Variants in SLCO3A1 observed in about 807,000 individuals in gnomAD.
SLCO3A1 encodes the protein solute carrier organic anion transporter family member 3A1.
In SLCO3A1, 27 loss-of-function variants were observed where a neutral mutation model predicts 63.1. The observed-to-expected ratio is 0.43, with a 90% CI of 0.32 to 0.59. The LOEUF (loss-of-function observed/expected upper bound fraction) is 0.59, where lower values mean the gene tolerates loss of function less well. SLCO3A1 is among the 20% of genes least tolerant of loss of function. The probability of loss-of-function intolerance (pLI) is 0.09; values close to 1 mark genes in which losing one functional copy is unlikely to be tolerated. For missense variants in SLCO3A1, 773 were observed against 945.8 expected (o/e 0.82, Z 2.40); for synonymous variants, 473 against 409.9 (o/e 1.15, Z -1.86).
intron 1 of SLCO3A1, among the ~76,000 whole-genome samples, chr15:91,857,752 G>A (rs940095465): frequency 6.6e-6 from 1 of 152,040 alleles, no homozygotes; most frequent in Admixed American, 6.6e-5. Flanking sequence ...AAATTACTGA[G>A]GACTGGAGTA....
At chr15:92,158,312 T>G (rs1229281447) in intron 9 of SLCO3A1, among the ~76,000 whole-genome samples, 1 of 152,152 alleles carries the variant, frequency 6.6e-6, no homozygotes, top group Non-Finnish European at 1.5e-5. Context: ...GTTCTCTGTA[T>G]CCCTGGAAAT....
chr15:91,905,757 A>C (rs4932590), intron 1 of SLCO3A1, among the ~76,000 whole-genome samples: 2 of 152,048 alleles, frequency 1.3e-5, no homozygotes, highest in African/African-American at 4.8e-5. Flanking sequence ...AAAGAAAACT[A>C]TTTCTCTTTG....
chr15:91,933,044 T>C (rs1046804091), intron 2 of SLCO3A1, among the ~76,000 whole-genome samples: 3 of 151,250 alleles, frequency 2.0e-5, no homozygotes, highest in African/African-American at 7.2e-5. Context: ...TGAGTTAGAA[T>C]TGGAATGAGA....
intron 2 of SLCO3A1, among the ~76,000 whole-genome samples, chr15:92,049,930 C>CAGA (rs1458346827): frequency 2.6e-5 from 4 of 152,186 alleles, no homozygotes; most frequent in Admixed American, 1.3e-4. Context: ...TTTTTAATCA[C>CAGA]AGAAGAGTTC....
intron 2 of SLCO3A1, among the ~76,000 whole-genome samples, chr15:92,016,730 A>C (rs1458586127): frequency 1.3e-5 from 2 of 152,226 alleles, no homozygotes; most frequent in African/African-American, 4.8e-5. Flanking sequence ...CATGAGGAAG[A>C]AGACCACAAA....
chr15:92,104,077 G>T (rs1053557621), intron 3 of SLCO3A1, among the ~76,000 whole-genome samples: 3 of 152,180 alleles, frequency 2.0e-5, no homozygotes, highest in Non-Finnish European at 4.4e-5. Context: ...ATTAAGGGGG[G>T]AATGTGATCA....
chr15:91,968,484 A>G lies in SLCO3A1; in HGVS notation c.646+52026A>G, dbSNP rs1045015819. On this transcript the variant is annotated intron_variant, in intron 2 of 9. Coordinates refer to ENST00000318445, the MANE Select transcript of SLCO3A1 (RefSeq NM_013272.4). This position sits in a 1 kb window ranked among gnomAD's most constrained non-coding sequence, Gnocchi z 4.2. ...GTGTCCTGGCTAGAACAGGGCCTCT[A>G]ATTTATCATGTCTTCTCACTAGGTG... 6.6e-6 allele frequency among the ~76,000 whole-genome samples: 1 copy of G among 152,162 alleles called. No individual in the cohort carries two copies. The highest frequency in any genetic ancestry group is 2.4e-5 in the African/African-American group (1 of 41,518).
intron 5 of SLCO3A1, among the ~76,000 whole-genome samples, chr15:92,122,982 G>A (rs1185308902): frequency 6.6e-6 from 1 of 152,176 alleles, no homozygotes; most frequent in African/African-American, 2.4e-5. Context: ...AAGCTAACTG[G>A]GAGGCACACC....
At chr15:92,084,839 A>G (rs952859066) in intron 2 of SLCO3A1, among the ~76,000 whole-genome samples, 1 of 152,246 alleles carries the variant, frequency 6.6e-6, no homozygotes, top group African/African-American at 2.4e-5. Context: ...CAAACAATGC[A>G]GCATGCACCA....
rs956763142 is a variant in SLCO3A1 at position 91,915,671 on chromosome 15, T to C, written c.181-322T>C. ...TTTATAGGTTTTCATGGGCTGTCTG[T>C]GGTGGAGGTCTGTGGGGGTGGGGAA... is the stretch of plus-strand genomic sequence containing the variant. On this transcript the variant is annotated intron_variant, in intron 1 of 9. Transcript: ENST00000318445. Among the ~76,000 whole-genome samples, 4 of 151,960 alleles carry C rather than the reference T, an allele frequency of 2.6e-5. No homozygotes were observed. In the East Asian group the frequency reaches 7.7e-4, roughly 29 times the overall value.
chr15:91,988,876 G>A (rs75781748), intron 2 of SLCO3A1, among the ~76,000 whole-genome samples: 2,177 of 152,272 alleles, frequency 0.014, 54 homozygotes, highest in African/African-American at 0.048. Context: ...TGCAGAGCGA[G>A]GTAGGATACA....
chr15:92,120,375 C>A, intron 4 of SLCO3A1, 90 bp from the exon 5 acceptor site: 2 of 1,370,712 alleles, frequency 1.5e-6, no homozygotes, highest in Non-Finnish European at 2.0e-6. Context: ...CAAGAGCGGG[C>A]CAAGAAGGGG....
At chr15:91,945,177 A>C (rs757373057) in intron 2 of SLCO3A1, among the ~76,000 whole-genome samples, 5 of 151,906 alleles carry the variant, frequency 3.3e-5, no homozygotes, top group Non-Finnish European at 5.9e-5. Context: ...CCCTGTCTCT[A>C]CTAAAAATAC....
intron 2 of SLCO3A1, among the ~76,000 whole-genome samples, chr15:91,972,354 A>T (rs1307941258): frequency 6.6e-6 from 1 of 152,146 alleles, no homozygotes; most frequent in East Asian, 1.9e-4. Context: ...GAACTCGAAT[A>T]GGTCATGATG....
chr15:92,127,619 T>G (rs1399373033), intron 6 of SLCO3A1, among the ~76,000 whole-genome samples: 2 of 152,148 alleles, frequency 1.3e-5, no homozygotes, highest in South Asian at 2.1e-4. Flanking sequence ...ATGATCAGAG[T>G]AAAGAAGAGA....
intron 2 of SLCO3A1, among the ~76,000 whole-genome samples, chr15:91,990,516 G>C (rs1342391404): frequency 1.3e-5 from 2 of 151,878 alleles, no homozygotes; most frequent in African/African-American, 4.8e-5. Flanking sequence ...GTGTCCTTAA[G>C]GCACTGTTCT....
At chr15:92,000,269 A>G (rs1229329588) in intron 2 of SLCO3A1, among the ~76,000 whole-genome samples, 1 of 152,216 alleles carries the variant, frequency 6.6e-6, no homozygotes, top group Non-Finnish European at 1.5e-5. Context: ...ACCCACAGTT[A>G]TGAAATCATG....
Position 92,096,733 on chromosome 15 carries a change from C to T in SLCO3A1, c.745+1754C>T, listed in dbSNP as rs1202974531. Among the ~76,000 whole-genome samples, 3 of 152,122 alleles carry T rather than the reference C, an allele frequency of 2.0e-5. No homozygotes were observed. The East Asian group carries it at 5.8e-4, about 29-fold the overall frequency. Reference sequence around the variant, plus strand: ...AATCCAAGTCGCTTTGTGATTCACTCCATTAATCCTACTGATATATTTACT... The same window carrying T: ...AATCCAAGTCGCTTTGTGATTCACTTCATTAATCCTACTGATATATTTACT... On this transcript the variant is annotated intron_variant, in intron 3 of 9. Coordinates refer to ENST00000318445, the MANE Select transcript of SLCO3A1 (RefSeq NM_013272.4).
intron 4 of SLCO3A1, among the ~76,000 whole-genome samples, chr15:92,106,205 T>C (rs1046948278): frequency 6.6e-6 from 1 of 152,228 alleles, no homozygotes; most frequent in Non-Finnish European, 1.5e-5. Flanking sequence ...TCTGGCCCCA[T>C]GTTCCATGAT....
Sources: gnomAD v4.1 joint callset for allele counts (sites outside exome capture counted in the v4.1 genomes callset) on GRCh38, gnomAD v4.1.1 for gene constraint, Gnocchi (gnomAD v3.1) non-coding constraint, MANE v1.5 for transcripts, NCBI Gene and HGNC (gene_info 2026-07-23, HGNC 2026-07-21) for gene names.